CD99L2: variants seen among roughly 807,000 people sequenced by gnomAD.
CD99L2 encodes the protein CD99 molecule like 2, also known as CD99 antigen-like protein 2.
Under a neutral mutation model 27.3 loss-of-function variants are expected in CD99L2, and 24 were observed. The ratio of observed to expected loss-of-function variants is 0.88; its 90% confidence interval spans 0.64 to 1.24. CD99L2 has a LOEUF of 1.24. Among genes scored for constraint, CD99L2 ranks in the 50% most tolerant of loss-of-function variants. CD99L2 has a pLI of 0.00. For synonymous variants in CD99L2, 97 were observed against 87.9 expected (o/e 1.10, Z -0.58); for missense variants, 255 against 221.6 (o/e 1.15, Z -0.96).
Position 150,831,347 on chromosome X carries a change from G to A in CD99L2, c.68-54C>T, listed in dbSNP as rs184586793. 118 of 957,732 alleles carry A rather than the reference G, an allele frequency of 1.2e-4. No individual in the cohort carries two copies. The East Asian group carries it at 3.2e-3, about 26-fold the overall frequency. The allele number at this position is 957,732 out of a possible 1,213,427, so 78.9% of individuals were successfully genotyped here. ...TCTTTGCATAAAACAAAGTAATAAT[G>A]AAATATCCTCTAGAAATGGTCATTT... is the stretch of plus-strand genomic sequence containing the variant. On this transcript the variant is annotated intron_variant, in intron 1 of 10. Coordinates refer to ENST00000370377, the MANE Select transcript of CD99L2 (RefSeq NM_031462.4).
At chrX:150,855,852 T>C (rs945297410) in intron 1 of CD99L2, among the ~76,000 whole-genome samples, 2 of 111,757 alleles carry the variant, frequency 1.8e-5, no homozygotes, top group Admixed American at 1.9e-4. Context: ...TGCTAACACC[T>C]TGATCTCTGA....
chrX:150,859,391 C>T (rs973580006), intron 1 of CD99L2, among the ~76,000 whole-genome samples: 3 of 110,614 alleles, frequency 2.7e-5, no homozygotes, highest in Non-Finnish European at 3.8e-5. Flanking sequence ...CCCAACTACT[C>T]GGGAGGCTGA....
intron 4 of CD99L2, among the ~76,000 whole-genome samples, chrX:150,804,264 T>C (rs2045961569): frequency 8.9e-6 from 1 of 112,135 alleles, no homozygotes; most frequent in Non-Finnish European, 1.9e-5. Context: ...AATTGGAAAA[T>C]TCACAAATGT....
In CD99L2 at chrX:150,767,310, G is replaced by A. The variant is rs782398510; in HGVS notation, c.*1724C>T. The A allele has an allele frequency of 2.7e-5, 3 of 112,111 alleles. No individual in the cohort carries two copies. Among genetic ancestry groups the A allele is most frequent in the African/African-American group, 6.5e-5 (2 of 30,787 alleles). The allele number at this position is 112,111 out of a possible 1,213,427, so 9.2% of individuals were successfully genotyped here. A position where few individuals can be genotyped will look rare whatever the true frequency, so the allele number is the denominator to read the frequency against. ...CACCCTTACTAACTTCCTGAAGCAT[G>A]GGAAGCTTCTCGAGACCAGGCCAAG... On this transcript the variant is annotated 3_prime_UTR_variant, in exon 11 of 11. Coordinates refer to ENST00000370377, the MANE Select transcript of CD99L2 (RefSeq NM_031462.4).
intron 2 of CD99L2, chrX:150,828,589 T>A: frequency 9.0e-6 from 1 of 110,765 alleles, no homozygotes; most frequent in South Asian, 3.8e-4. Context: ...GGCAGAAAAA[T>A]GGGGGAAGAA....
At chrX:150,892,260 C>T (rs1557422857) in intron 1 of CD99L2, among the ~76,000 whole-genome samples, 1 of 109,106 alleles carries the variant, frequency 9.2e-6, no homozygotes, top group Non-Finnish European at 1.9e-5. Context: ...ATAAATAAAC[C>T]CACCTAAGAG....
chrX:150,795,509 C>G, intron 4 of CD99L2, 23 bp from the exon 5 acceptor site: 1 of 1,196,801 alleles, frequency 8.4e-7, no homozygotes, highest in Non-Finnish European at 1.1e-6. Context: ...GGGAGGACAG[C>G]AAAGGGAGCA....
intron 2 of CD99L2, among the ~76,000 whole-genome samples, chrX:150,824,568 G>T: frequency 1.0e-5 from 1 of 98,416 alleles, no homozygotes; most frequent in Admixed American, 1.1e-4. Context: ...AAAGAAGGAG[G>T]AGGAGGAGGA....
chrX:150,835,200 T>C (rs1456985678), intron 1 of CD99L2, among the ~76,000 whole-genome samples: 2 of 112,050 alleles, frequency 1.8e-5, no homozygotes, highest in Non-Finnish European at 1.9e-5. Context: ...CAATTAATAA[T>C]AATGTATTGT....
At chrX:150,789,752 G>A (rs1330989206) in intron 7 of CD99L2, among the ~76,000 whole-genome samples, 2 of 111,788 alleles carry the variant, frequency 1.8e-5, no homozygotes, top group African/African-American at 6.5e-5. Context: ...AAGTATGGTG[G>A]TGCGTATCTA....
intron 7 of CD99L2, among the ~76,000 whole-genome samples, chrX:150,780,345 G>A (rs2045489711): frequency 8.9e-6 from 1 of 112,195 alleles, no homozygotes; most frequent in African/African-American, 3.2e-5. Context: ...CCTAAACATT[G>A]CTAGCAGGCA....
chrX:150,813,440 CAG>C (rs781996395), intron 4 of CD99L2, among the ~76,000 whole-genome samples: 3 of 111,378 alleles, frequency 2.7e-5, no homozygotes, highest in Non-Finnish European at 3.8e-5. Flanking sequence ...AGTAGGTAAA[CAG>C]AAAGTTGAGA....
At chrX:150,852,898 T>C (rs1250779851) in intron 1 of CD99L2, among the ~76,000 whole-genome samples, 1 of 112,262 alleles carries the variant, frequency 8.9e-6, no homozygotes, top group African/African-American at 3.2e-5. Context: ...TTTGCTATAA[T>C]TATAAGTAGT....
intron 1 of CD99L2, among the ~76,000 whole-genome samples, chrX:150,882,129 C>CT (rs1557422509): frequency 1.8e-5 from 2 of 111,005 alleles, no homozygotes; most frequent in African/African-American, 6.6e-5. Context: ...TCTTTCCAAT[C>CT]TTAACTCTCT....
chrX:150,844,114 G>A (rs1333308233), intron 1 of CD99L2, among the ~76,000 whole-genome samples: 1 of 112,054 alleles, frequency 8.9e-6, no homozygotes, highest in Non-Finnish European at 1.9e-5. Flanking sequence ...TCTGCTAATG[G>A]ACGGGTGGGG....
At chrX:150,809,543 G>A (rs782105043) in intron 4 of CD99L2, among the ~76,000 whole-genome samples, 1 of 112,415 alleles carries the variant, frequency 8.9e-6, no homozygotes, top group Admixed American at 9.4e-5. Context: ...GCAAACATGA[G>A]TTTTGAGTAT....
chrX:150,792,118 T>C (rs181197579), intron 7 of CD99L2, among the ~76,000 whole-genome samples: 2 of 111,618 alleles, frequency 1.8e-5, no homozygotes, highest in African/African-American at 6.6e-5. Flanking sequence ...TTGTCCTTTT[T>C]TCCACGACCC....
At chrX:150,852,402 A>C (rs1557421631) in intron 1 of CD99L2, among the ~76,000 whole-genome samples, 1 of 109,857 alleles carries the variant, frequency 9.1e-6, no homozygotes, top group African/African-American at 3.3e-5. Flanking sequence ...CAGGGCCCTC[A>C]GGGGTCCCTC....
chrX:150,822,871 A>C (rs2124202482), intron 2 of CD99L2, among the ~76,000 whole-genome samples: 1 of 112,051 alleles, frequency 8.9e-6, no homozygotes, highest in East Asian at 2.8e-4. Context: ...TTCTCTCCCA[A>C]ATCTCATCTT....
Sources: gnomAD v4.1 joint callset for allele counts (sites outside exome capture counted in the v4.1 genomes callset) on GRCh38, gnomAD v4.1.1 for gene constraint, MANE v1.5 for transcripts, NCBI Gene and HGNC (gene_info 2026-07-23, HGNC 2026-07-21) for gene names.